The following ATP6V1H variants were observed in gnomAD, a reference collection of about 807,000 sequenced individuals.
ATP6V1H encodes V-type proton ATPase subunit H.
ATP6V1H carries 39 observed loss-of-function variants against 71.7 expected under a neutral mutation model. The observed-to-expected ratio is 0.54, with a 90% confidence interval of 0.42 to 0.71. ATP6V1H has a LOEUF of 0.71. ATP6V1H is among the 30% of genes least tolerant of loss of function. The probability of loss-of-function intolerance (pLI) is 0.00; values close to 1 mark genes in which losing one functional copy is unlikely to be tolerated. For missense variants in ATP6V1H, 509 were observed against 594.9 expected, an observed-to-expected ratio of 0.86 and a Z score of 1.50; for synonymous variants, 192 against 199.3, an observed-to-expected ratio of 0.96 and a Z score of 0.31.
At chr8:53,747,352 C>T (rs933385506) in intron 12 of ATP6V1H, among the ~76,000 whole-genome samples, 5 of 152,062 alleles carry the variant, frequency 3.3e-5, no homozygotes, top group African/African-American at 1.2e-4. Flanking sequence ...ATTCAATGAG[C>T]ACAGAAACCA....
intron 9 of ATP6V1H, among the ~76,000 whole-genome samples, chr8:53,780,173 A>C (rs569660267): frequency 6.6e-6 from 1 of 152,160 alleles, no homozygotes; most frequent in African/African-American, 2.4e-5. Flanking sequence ...AAAAAAAAAA[A>C]AAAGACATTA....
At chr8:53,749,630 A>G (rs1807726395) in intron 12 of ATP6V1H, among the ~76,000 whole-genome samples, 1 of 152,144 alleles carries the variant, frequency 6.6e-6, no homozygotes, top group Non-Finnish European at 1.5e-5. Flanking sequence ...GTAAGGGAGA[A>G]GAGCAAAGTG....
At chr8:53,819,628 A>T (rs570558920) in intron 4 of ATP6V1H, among the ~76,000 whole-genome samples, 28 of 103,580 alleles carry the variant, frequency 2.7e-4, no homozygotes, top group Non-Finnish European at 3.5e-4. Flanking sequence ...ATATATACAT[A>T]TGTATATACA....
At chr8:53,722,697 A>G (rs924275711) in intron 13 of ATP6V1H, among the ~76,000 whole-genome samples, 4 of 152,180 alleles carry the variant, frequency 2.6e-5, no homozygotes, top group Non-Finnish European at 4.4e-5. Flanking sequence ...GAAGAGTCCT[A>G]CAGGAGAGTT....
chr8:53,797,842 A>C (rs754090232), intron 8 of ATP6V1H, among the ~76,000 whole-genome samples: 2 of 152,148 alleles, frequency 1.3e-5, no homozygotes, highest in African/African-American at 2.4e-5. Flanking sequence ...CTATCAAAAA[A>C]ACATAACAAT....
At chr8:53,723,563 G>A (rs929082848) in intron 13 of ATP6V1H, among the ~76,000 whole-genome samples, 2 of 152,246 alleles carry the variant, frequency 1.3e-5, no homozygotes, top group African/African-American at 4.8e-5. Context: ...TTATCGTGAT[G>A]TGGCCACTAT....
chr8:53,832,166 A>G (rs1345741237), intron 3 of ATP6V1H: 1 of 152,178 alleles, frequency 6.6e-6, no homozygotes, highest in African/African-American at 2.4e-5. Flanking sequence ...AGATATGTAC[A>G]TATCACCCCT....
At chr8:53,819,457 G>C (rs1810559865) in intron 4 of ATP6V1H, among the ~76,000 whole-genome samples, 1 of 146,388 alleles carries the variant, frequency 6.8e-6, no homozygotes, top group Non-Finnish European at 1.5e-5. Flanking sequence ...GCTTGAACCT[G>C]GTGGGTGGAG....
chr8:53,833,256 A>C (rs969018154), intron 2 of ATP6V1H, 170 bp from the exon 3 acceptor site: 2 of 566,288 alleles, frequency 3.5e-6, no homozygotes, highest in African/African-American at 3.8e-5. Flanking sequence ...TCCACAAATA[A>C]GACAGTGTGA....
In ATP6V1H at chr8:53,743,617, T is replaced by C. The variant is rs777982278; in HGVS notation, c.1351A>G (p.Asn451Asp). Residue 451 changes from asparagine to aspartate, a missense_variant, in exon 13 of 14, where the codon AAT becomes GAT. By Grantham distance (23) the Asn-to-Asp change is conservative. Transcript: ENST00000359530. ...MHHEDQQVRY[N>D]ALLAVQKLMV... ...AGCTTCTGCACGGCCAGCAGAGCAT[T>C]ATAGCGGACCTGCTGGTCTTCATGA... The C allele has an allele frequency of 1.2e-5, 19 of 1,613,862 alleles. No individual in the cohort carries two copies. Among genetic ancestry groups the C allele is most frequent in the Non-Finnish European group, 1.0e-5 (12 of 1,180,022 alleles).
At chr8:53,777,824 T>C (rs538686312) in intron 9 of ATP6V1H, among the ~76,000 whole-genome samples, 1 of 152,298 alleles carries the variant, frequency 6.6e-6, no homozygotes, top group East Asian at 1.9e-4. Context: ...TGCTGATCCC[T>C]GGGCTAAAGA....
At chr8:53,778,058 G>T (rs2130348552) in intron 9 of ATP6V1H, among the ~76,000 whole-genome samples, 1 of 152,222 alleles carries the variant, frequency 6.6e-6, no homozygotes, top group Middle Eastern at 3.4e-3. Context: ...TAGCATAAAA[G>T]ACTACAAGTG....
chr8:53,827,054 C>G (rs1449017338), intron 4 of ATP6V1H, among the ~76,000 whole-genome samples: 1 of 151,764 alleles, frequency 6.6e-6, no homozygotes, highest in Non-Finnish European at 1.5e-5. Context: ...ATAGTTTTGA[C>G]TTTTGGAAAC....
chr8:53,725,035 T>G (rs1806764095), intron 13 of ATP6V1H, among the ~76,000 whole-genome samples: 1 of 152,200 alleles, frequency 6.6e-6, no homozygotes, highest in South Asian at 2.1e-4. Flanking sequence ...ATTGGAATTC[T>G]GAAACTTTCT....
At position 53,801,979 on chromosome 8, in the gene ATP6V1H, A is replaced by T. The variant is rs146429267; in HGVS notation, c.580-83T>A. On this transcript the variant is annotated intron_variant, in intron 7 of 13. Transcript: ENST00000359530. ...GACACACATTTCTAAATGAAAAGTCAGATTACCTACTGGAATTACCATCTG... is the reference window on the plus strand; with the variant it reads ...GACACACATTTCTAAATGAAAAGTCTGATTACCTACTGGAATTACCATCTG... The T allele has an allele frequency of 4.7e-4, 579 of 1,230,830 alleles. 3 individuals are homozygous for T. The African/African-American group carries it at 8.0e-3, about 17-fold the overall frequency. The allele number at this position is 1,230,830 out of a possible 1,614,324, so 76.2% of individuals were successfully genotyped here.
rs73682565 is a variant in ATP6V1H, at chr8:53,751,391, T to C, written c.1277+5164A>G. ...GGATAAAAAGGCTGTACTAACCGAA[T>C]TGGAAGTCCGTGATGTGCCTATTCA... On this transcript the variant is annotated intron_variant, in intron 12 of 13. Transcript: ENST00000359530. Among the ~76,000 whole-genome samples, 463 of 152,256 alleles carry C rather than the reference T, an allele frequency of 3.0e-3. 1 individual carries two copies. Among genetic ancestry groups the C allele is most frequent in the African/African-American group, 9.0e-3 (375 of 41,540 alleles).
intron 8 of ATP6V1H, among the ~76,000 whole-genome samples, chr8:53,799,460 C>T (rs949243962): frequency 7.9e-5 from 12 of 152,062 alleles, no homozygotes; most frequent in African/African-American, 2.9e-4. Context: ...TGTAGTTCAC[C>T]TTTACGTTTC....
intron 1 of ATP6V1H, among the ~76,000 whole-genome samples, chr8:53,842,190 T>C (rs1811363067): frequency 6.6e-6 from 1 of 152,236 alleles, no homozygotes; most frequent in Non-Finnish European, 1.5e-5. Flanking sequence ...TTTCGAAAAT[T>C]ACTCAAATTA....
intron 13 of ATP6V1H, among the ~76,000 whole-genome samples, chr8:53,726,287 A>AT (rs1296589645): frequency 1.3e-5 from 2 of 152,120 alleles, no homozygotes; most frequent in Admixed American, 6.6e-5. Flanking sequence ...ATTTCTAACA[A>AT]TTTTTTCCAA....
Sources: allele counts gnomAD v4.1 joint callset (sites outside exome capture counted in the v4.1 genomes callset), GRCh38; gene constraint gnomAD v4.1.1; transcripts MANE v1.5; gene names NCBI Gene and HGNC (gene_info 2026-07-23, HGNC 2026-07-21).